Variants in LRBA observed in about 807,000 individuals in gnomAD.
LRBA encodes LPS responsive beige-like anchor protein.
Under a neutral mutation model 330.0 loss-of-function variants are expected in LRBA, and 176 were observed. The observed-to-expected ratio is 0.53, with a 90% CI of 0.47 to 0.60. The LOEUF is 0.60. LRBA is among the 20% of genes least tolerant of loss of function. The probability of loss-of-function intolerance (pLI) is 0.00; values close to 1 mark genes in which losing one functional copy is unlikely to be tolerated. For synonymous variants in LRBA, 1,230 were observed against 1,193.0 expected (o/e 1.03, Z -0.64); for missense variants, 3,259 against 3,444.8 (o/e 0.95, Z 1.35).
At chr4:150,548,436 G>GT (rs1561333583) in intron 40 of LRBA, among the ~76,000 whole-genome samples, 1 of 152,072 alleles carries the variant, frequency 6.6e-6, no homozygotes, top group Non-Finnish European at 1.5e-5. Flanking sequence ...AATCCAGAAT[G>GT]TATCTACCAA....
rs772612416 is a variant in LRBA, at chr4:150,852,460, A to T, written c.3250T>A (p.Ser1084Thr). 33 of 1,613,498 alleles carry T rather than the reference A, an allele frequency of 2.0e-5. No individual in the cohort carries two copies. The highest frequency in any genetic ancestry group is 2.7e-5 in the Non-Finnish European group (32 of 1,180,000). Residue 1084 changes from serine to threonine, a missense_variant, in exon 23 of 57, where the codon TCT (serine) becomes ACT (threonine). Transcript: ENST00000651943. ...TVSEVTASIS[S>T]PSEEDASEMP... ...TCTGAGGCATCCTCTTCTGAAGGAGAACTTATAGAAGCAGTTACTTCACTG... is the reference window on the plus strand; with the variant it reads ...TCTGAGGCATCCTCTTCTGAAGGAGTACTTATAGAAGCAGTTACTTCACTG...
chr4:150,312,681 A>G (rs1580981310), intron 51 of LRBA, among the ~76,000 whole-genome samples: 1 of 152,158 alleles, frequency 6.6e-6, no homozygotes, highest in South Asian at 2.1e-4. Context: ...CATGCTGTCA[A>G]TTGGTAGATA....
intron 37 of LRBA, among the ~76,000 whole-genome samples, chr4:150,643,175 G>C (rs1222325001): frequency 1.3e-5 from 2 of 151,824 alleles, no homozygotes; most frequent in Non-Finnish European, 2.9e-5. Context: ...AAATTGATCT[G>C]TCATGAATAA....
At chr4:150,886,949 G>A (rs1157938707) in intron 17 of LRBA, among the ~76,000 whole-genome samples, 1 of 152,080 alleles carries the variant, frequency 6.6e-6, no homozygotes, top group Non-Finnish European at 1.5e-5. Context: ...TTATGCTTTA[G>A]AAAATAAAGG....
chr4:150,929,062 C>T lies in LRBA; in HGVS notation c.220G>A (p.Val74Ile), dbSNP rs1185812074. The change falls in exon 3 of 57, where the codon GTA (valine) becomes ATA (isoleucine). Residue 74 changes from valine (V) to isoleucine (I), a missense_variant. Physicochemically the swap from Val to Ile is conservative, Grantham distance 29. Transcript: ENST00000651943. Reference protein sequence around the residue: ...DIVETVFNLLVGGQFDLEMNF... With the variant: ...DIVETVFNLLIGGQFDLEMNF... The stretch of plus-strand genomic sequence containing the variant: ...ATTTCCAGATCAAACTGTCCTCCTA[C>T]CAACTTACAAGGAAAAAAAAAAAAC... 1.9e-6 allele frequency: 3 copies of T among 1,601,812 alleles called. No individual in the cohort carries two copies. Among genetic ancestry groups the T allele is most frequent in the Non-Finnish European group, 1.7e-6 (2 of 1,173,290 alleles).
intron 43 of LRBA, among the ~76,000 whole-genome samples, 160 bp from the exon 44 acceptor site, chr4:150,467,945 T>C (rs1340791145): frequency 1.3e-5 from 2 of 152,048 alleles, no homozygotes; most frequent in African/African-American, 4.8e-5. Context: ...AACAATCCTA[T>C]GAAATTGTAT....
chr4:150,354,849 CAA>C (rs769109195), intron 47 of LRBA, among the ~76,000 whole-genome samples: 11 of 151,570 alleles, frequency 7.3e-5, no homozygotes, highest in African/African-American at 2.7e-4. Flanking sequence ...AGAATATCAA[CAA>C]AGTTTTAATA....
chr4:150,436,874 G>T lies in LRBA; in HGVS notation c.6781-10C>A. Reference sequence around the variant, plus strand: ...TCAGAGCTCCTATTGGCTGCCAATAGGGAGGGAAAAAACAAAGAATACATC... The same window carrying T: ...TCAGAGCTCCTATTGGCTGCCAATATGGAGGGAAAAAACAAAGAATACATC... On this transcript the variant is annotated splice_polypyrimidine_tract_variant and intron_variant, in intron 44 of 56. Coordinates refer to ENST00000651943, the MANE Select transcript of LRBA (RefSeq NM_001364905.1). 6.2e-7 allele frequency: 1 copy of T among 1,612,346 alleles called. No individual in the cohort carries two copies. The highest frequency in any genetic ancestry group is 1.7e-5 in the Admixed American group (1 of 59,732).
chr4:150,831,776 A>G, intron 29 of LRBA, 41 bp downstream of exon 29: 1 of 1,471,196 alleles, frequency 6.8e-7, no homozygotes, highest in Non-Finnish European at 9.2e-7. Context: ...AGTAACATTT[A>G]TTTGAACTTT....
chr4:150,446,480 G>A (rs1043745488), intron 44 of LRBA, among the ~76,000 whole-genome samples: 6 of 152,154 alleles, frequency 3.9e-5, no homozygotes, highest in African/African-American at 1.4e-4. Flanking sequence ...TGTTGATAAC[G>A]CTTTTGGAGT....
intron 44 of LRBA, among the ~76,000 whole-genome samples, chr4:150,450,476 T>TTTA (rs1352874473): frequency 6.6e-6 from 1 of 152,186 alleles, no homozygotes; most frequent in Non-Finnish European, 1.5e-5. Flanking sequence ...ACAACTCTAA[T>TTTA]ATCTCCTTCC....
intron 40 of LRBA, among the ~76,000 whole-genome samples, chr4:150,556,282 T>C (rs891290364): frequency 1.3e-5 from 2 of 152,190 alleles, no homozygotes; most frequent in Non-Finnish European, 2.9e-5. Flanking sequence ...TTAAAAACTA[T>C]CTGATGGATG....
intron 37 of LRBA, among the ~76,000 whole-genome samples, chr4:150,656,125 C>T (rs1780164312): frequency 1.3e-5 from 2 of 152,144 alleles, no homozygotes; most frequent in Admixed American, 1.3e-4. Context: ...CACTCCATAC[C>T]ACTCATCCTA....
intron 34 of LRBA, among the ~76,000 whole-genome samples, chr4:150,797,541 C>T (rs943472526): frequency 1.3e-5 from 2 of 151,874 alleles, no homozygotes; most frequent in African/African-American, 2.4e-5. Flanking sequence ...ACATGAGGTA[C>T]AAGGTTTTGG....
intron 29 of LRBA, 126 bp from the exon 30 acceptor site, chr4:150,828,747 G>A (rs1231470027): frequency 1.3e-6 from 1 of 784,796 alleles, no homozygotes; most frequent in Non-Finnish European, 2.0e-6. Flanking sequence ...TTCTAAAAAA[G>A]CAAAAACTAA....
At chr4:150,746,948 AC>A (rs1314439339) in intron 35 of LRBA, among the ~76,000 whole-genome samples, 1 of 152,116 alleles carries the variant, frequency 6.6e-6, no homozygotes, top group East Asian at 1.9e-4. Flanking sequence ...CCCATTCTTC[AC>A]TGGGATCATC....
At chr4:150,806,040 A>T in intron 33 of LRBA, among the ~76,000 whole-genome samples, 1 of 151,540 alleles carries the variant, frequency 6.6e-6, no homozygotes, top group East Asian at 1.9e-4. Flanking sequence ...AAAAAGTCTT[A>T]GTTCTTTGGT....
chr4:150,909,810 C>T (rs931339432), intron 9 of LRBA, among the ~76,000 whole-genome samples: 1 of 152,166 alleles, frequency 6.6e-6, no homozygotes, highest in Non-Finnish European at 1.5e-5. Context: ...TCTCCACATT[C>T]TCACCAACAC....
At chr4:150,396,859 A>G (rs4367158) in intron 47 of LRBA, among the ~76,000 whole-genome samples, 71,508 of 151,978 alleles carry the variant, frequency 0.47, 16,992 homozygotes, top group East Asian at 0.55. Flanking sequence ...ACACTCACAC[A>G]CATAAACATA....
Sources: allele counts gnomAD v4.1 joint callset (sites outside exome capture counted in the v4.1 genomes callset), GRCh38; gene constraint gnomAD v4.1.1; transcripts MANE v1.5; gene names NCBI Gene and HGNC (gene_info 2026-07-23, HGNC 2026-07-21).